Variants in CDH19 observed in about 807,000 individuals in gnomAD.
CDH19 encodes cadherin 19, also known as cadherin-19.
CDH19 carries 67 observed loss-of-function variants against 64.2 expected under a neutral mutation model. That is an observed-to-expected ratio of 1.04 (90% CI 0.86 to 1.28). The LOEUF (loss-of-function observed/expected upper bound fraction) is 1.28, where lower values mean the gene tolerates loss of function less well. CDH19 is among the 50% of genes most tolerant of loss of function. CDH19 has a pLI of 0.00. For missense variants in CDH19, 1,030 were observed against 929.0 expected (o/e 1.11, Z -1.41); for synonymous variants, 346 against 319.3 (o/e 1.08, Z -0.89).
chr18:66,601,785 C>T (rs901651280), intron 1 of CDH19, among the ~76,000 whole-genome samples: 5 of 151,558 alleles, frequency 3.3e-5, no homozygotes, highest in African/African-American at 1.2e-4. Context: ...GAGCATTTAG[C>T]TGTGTTCTCT....
chr18:66,535,665 TA>T (rs1310957525), intron 7 of CDH19, among the ~76,000 whole-genome samples: 1 of 147,052 alleles, frequency 6.8e-6, no homozygotes, highest in Non-Finnish European at 1.5e-5. Context: ...ATATGATATA[TA>T]TTTTACATTT....
intron 9 of CDH19, among the ~76,000 whole-genome samples, chr18:66,517,975 G>C (rs1245306651): frequency 6.6e-6 from 1 of 151,536 alleles, no homozygotes; most frequent in African/African-American, 2.4e-5. Context: ...CTTTTTTTCA[G>C]TGACTTTATT....
rs79338426 is a variant in CDH19 at position 66,511,832 on chromosome 18, T to A, written c.1459-147A>T. On this transcript the variant is annotated intron_variant, in intron 9 of 11. Transcript: ENST00000262150. ...ATAACTGTCAAATCAGTGGAGAATA[T>A]TAAAATGTTTTTTCTCAGGTTAAAA... 9 of 584,456 alleles carry A rather than the reference T, an allele frequency of 1.5e-5. No homozygotes were observed. The African/African-American group carries it at 1.6e-4, about 10-fold the overall frequency. The allele number at this position is 584,456 out of a possible 1,614,324, so 36.2% of individuals were successfully genotyped here.
chr18:66,570,590 T>C (rs1349066878), intron 2 of CDH19, among the ~76,000 whole-genome samples: 1 of 146,700 alleles, frequency 6.8e-6, no homozygotes, highest in Non-Finnish European at 1.5e-5. Flanking sequence ...GTATATTTAC[T>C]AACTCTTTTG....
Position 66,504,972 on chromosome 18 carries a change from G to A in CDH19, c.2159C>T (p.Thr720Ile), listed in dbSNP as rs1178855245. Residue 720 changes from threonine (T) to isoleucine (I), a missense_variant, in exon 12 of 12, where the codon ACC (threonine) becomes ATC (isoleucine). Thr to Ile is a moderately conservative substitution (Grantham distance 89). Transcript: ENST00000262150. ...PCAPPFDSLQ[T>I]YAFEGTGSLA... is the part of the protein sequence containing the mutation. ...TGACCCTGTTCCCTCAAAAGCGTAGGTCTGGAGGGAATCAAAAGGAGGGGC... is the reference window on the plus strand; with the variant it reads ...TGACCCTGTTCCCTCAAAAGCGTAGATCTGGAGGGAATCAAAAGGAGGGGC... The A allele has an allele frequency of 6.2e-7, 1 of 1,613,364 alleles. No individual in the cohort carries two copies. The highest frequency in any genetic ancestry group is 8.5e-7 in the Non-Finnish European group (1 of 1,179,704).
At chr18:66,521,928 T>C (rs1381133576) in intron 9 of CDH19, among the ~76,000 whole-genome samples, 4 of 147,414 alleles carry the variant, frequency 2.7e-5, no homozygotes, top group Non-Finnish European at 6.0e-5. Context: ...GTTGTTGTTG[T>C]TGTTGTTGTT....
chr18:66,502,916 T>G lies in CDH19; in HGVS notation c.*1896A>C, dbSNP rs1425023257. The G allele has an allele frequency of 6.6e-6, 1 of 151,942 alleles. No homozygotes were observed. The highest frequency in any genetic ancestry group is 1.5e-5 in the Non-Finnish European group (1 of 67,890). The allele number at this position is 151,942 out of a possible 1,614,324, so 9.4% of individuals were successfully genotyped here. A position where few individuals can be genotyped will look rare whatever the true frequency, so the allele number is the denominator to read the frequency against. On this transcript the variant is annotated 3_prime_UTR_variant, in exon 12 of 12. Transcript: ENST00000262150. ...TGTGTCACCAATTTAATGGTGCCTG[T>G]TTCAGATTGATGAAAAACTTTCTTT...
At chr18:66,526,040 A>G (rs1986208255) in intron 9 of CDH19, among the ~76,000 whole-genome samples, 1 of 152,114 alleles carries the variant, frequency 6.6e-6, no homozygotes, top group Non-Finnish European at 1.5e-5. Flanking sequence ...CATAAATAGC[A>G]TTCTTTCTGA....
intron 1 of CDH19, among the ~76,000 whole-genome samples, chr18:66,583,318 GAATA>G (rs1988480272): frequency 6.6e-6 from 1 of 151,984 alleles, no homozygotes; most frequent in Non-Finnish European, 1.5e-5. Flanking sequence ...AGAAAAATAG[GAATA>G]AAAACATGAT....
At chr18:66,540,500 A>C (rs2144469334) in intron 7 of CDH19, among the ~76,000 whole-genome samples, 1 of 152,240 alleles carries the variant, frequency 6.6e-6, no homozygotes, top group Admixed American at 6.5e-5. Context: ...ACTGATATTT[A>C]TTTGTCACAT....
chr18:66,585,263 T>A (rs1413146607), intron 1 of CDH19, among the ~76,000 whole-genome samples: 1 of 152,116 alleles, frequency 6.6e-6, no homozygotes, highest in Admixed American at 6.6e-5. Flanking sequence ...TTTATATAAA[T>A]AAATGTTATT....
intron 1 of CDH19, among the ~76,000 whole-genome samples, chr18:66,576,193 C>A: frequency 6.7e-6 from 1 of 149,940 alleles, no homozygotes; most frequent in Non-Finnish European, 1.5e-5. Context: ...TAATATTAAC[C>A]ATAATAATAA....
chr18:66,552,087 T>C (rs912236421), intron 4 of CDH19, among the ~76,000 whole-genome samples: 4 of 152,052 alleles, frequency 2.6e-5, no homozygotes, highest in African/African-American at 9.6e-5. Context: ...GGGAGATAGT[T>C]GAAAAACTTC....
intron 9 of CDH19, among the ~76,000 whole-genome samples, chr18:66,515,598 C>T (rs112306591): frequency 2.6e-4 from 39 of 151,784 alleles, no homozygotes; most frequent in Non-Finnish European, 4.1e-4. Flanking sequence ...GGATTTTTCA[C>T]AAAGTTTCAT....
intron 1 of CDH19, among the ~76,000 whole-genome samples, chr18:66,580,304 T>C (rs1315547123): frequency 1.3e-5 from 2 of 152,078 alleles, no homozygotes; most frequent in Non-Finnish European, 2.9e-5. Flanking sequence ...TACTATTTTA[T>C]ACCTAGAGAA....
intron 3 of CDH19, among the ~76,000 whole-genome samples, chr18:66,560,427 C>T (rs1987677736): frequency 6.6e-6 from 1 of 151,874 alleles, no homozygotes; most frequent in South Asian, 2.1e-4. Flanking sequence ...CTGCTTTACA[C>T]CTTTCACAAA....
At chr18:66,584,587 C>T (rs889451646) in intron 1 of CDH19, among the ~76,000 whole-genome samples, 1 of 151,862 alleles carries the variant, frequency 6.6e-6, no homozygotes, top group Non-Finnish European at 1.5e-5. Flanking sequence ...AATATACATA[C>T]CATAAAGGTA....
In CDH19 at chr18:66,575,043, T is replaced by G. The variant is rs574520549; in HGVS notation, c.-112-2727A>C. 2.6e-5 allele frequency among the ~76,000 whole-genome samples: 4 copies of G among 151,944 alleles called. No homozygotes were observed. In the Admixed American group the frequency reaches 2.6e-4, roughly 10 times the overall value. ...ATGTAAAAAAATTAAGAGGTAAGCC[T>G]TTAGACACTTAGTGCAATAGTATAA... On this transcript the variant is annotated intron_variant, in intron 1 of 11. Transcript: ENST00000262150.
At position 66,532,688 on chromosome 18, in the gene CDH19, T is replaced by C. The variant is rs1009545548; in HGVS notation, c.1336+2298A>G. 6 of 447,176 alleles carry C rather than the reference T, an allele frequency of 1.3e-5. No homozygotes were observed. The East Asian group carries it at 4.3e-4, about 32-fold the overall frequency. The allele number at this position is 447,176 out of a possible 1,614,324, so 27.7% of individuals were successfully genotyped here. A position where few individuals can be genotyped will look rare whatever the true frequency, so the allele number is the denominator to read the frequency against. On this transcript the variant is annotated intron_variant, in intron 8 of 11. Transcript: ENST00000262150. ...TGACCATCTCTTTGAAATGTAATCT[T>C]CAAGGAATACAGCATCCCTATATCC...
Sources: gnomAD v4.1 joint callset for allele counts (sites outside exome capture counted in the v4.1 genomes callset) on GRCh38, gnomAD v4.1.1 for gene constraint, MANE v1.5 for transcripts, NCBI Gene and HGNC (gene_info 2026-07-23, HGNC 2026-07-21) for gene names.